Variants in STK33 observed in about 807,000 individuals in gnomAD.
STK33 encodes serine/threonine-protein kinase 33.
In STK33, 52 loss-of-function variants were observed where a neutral mutation model predicts 58.0. That is an observed-to-expected ratio of 0.90 (90% CI 0.72 to 1.13). STK33 has a LOEUF of 1.13. STK33 is among the 50% of genes most tolerant of loss of function. STK33 has a pLI of 0.00. For missense variants in STK33, 630 were observed against 604.2 expected, an observed-to-expected ratio of 1.04 and a Z score of -0.45; for synonymous variants, 215 against 200.1, an observed-to-expected ratio of 1.07 and a Z score of -0.63.
In STK33 at chr11:8,404,667, C is replaced by G. The variant is rs558274151; in HGVS notation, c.1344+8828G>C. On this transcript the variant is annotated intron_variant, in intron 15 of 15. Transcript: ENST00000687296. The stretch of plus-strand genomic sequence containing the variant: ...ATAGTAACTCATTTCTTTTTTCTTG[C>G]CAAGTAATGCTCCATTGTATGGATG... Among the ~76,000 whole-genome samples, 4 of 152,136 alleles carry G rather than the reference C, an allele frequency of 2.6e-5. No homozygotes were observed. The South Asian group carries it at 8.3e-4, about 32-fold the overall frequency.
chr11:8,414,482 G>A (rs112879525), intron 14 of STK33, among the ~76,000 whole-genome samples: 18 of 152,160 alleles, frequency 1.2e-4, no homozygotes, highest in African/African-American at 4.1e-4. Context: ...AAGTTCAGGT[G>A]TGGGCATGGC....
At chr11:8,526,514 T>C (rs1294681429) in intron 1 of STK33, among the ~76,000 whole-genome samples, 1 of 152,158 alleles carries the variant, frequency 6.6e-6, no homozygotes, top group Non-Finnish European at 1.5e-5. Flanking sequence ...TTAAGTATGT[T>C]CCCAACTTAA....
chr11:8,386,320 A>G, the STK33 span, among the ~76,000 whole-genome samples: 3 of 152,220 alleles, frequency 2.0e-5, no homozygotes, highest in African/African-American at 7.2e-5. Flanking sequence ...TTGATATGAA[A>G]CTTAAGTGGC....
rs1427640524 is a variant in STK33, at chr11:8,536,760, TG to T, written c.-465-56147del. ...AATGTCCCTTTTTCTTTTCTTTTTT[TG>T]TTGTTGTTTATTTGTTGTTTGTTTG... On this transcript the variant is annotated intron_variant, in intron 1 of 15. Coordinates refer to ENST00000687296, the MANE Select transcript of STK33 (RefSeq NM_001352389.2). 1.4e-4 allele frequency among the ~76,000 whole-genome samples: 22 copies of T among 151,892 alleles called. No individual in the cohort carries two copies. The East Asian group carries it at 4.1e-3, about 28-fold the overall frequency.
At chr11:8,584,794 G>C (rs1350668795) in intron 1 of STK33, among the ~76,000 whole-genome samples, 1 of 152,176 alleles carries the variant, frequency 6.6e-6, no homozygotes, top group African/African-American at 2.4e-5. Context: ...TCCATGAAGT[G>C]AAAGGTCATA....
At chr11:8,370,842 G>A in the STK33 span, among the ~76,000 whole-genome samples, 1 of 152,126 alleles carries the variant, frequency 6.6e-6, no homozygotes. Context: ...TTTGGTTCCT[G>A]GGCTCCATGT....
At chr11:8,400,359 T>A (rs559878796) in intron 15 of STK33, among the ~76,000 whole-genome samples, 1 of 151,330 alleles carries the variant, frequency 6.6e-6, no homozygotes, top group African/African-American at 2.4e-5. Flanking sequence ...ACAGAACCAA[T>A]GACAAAAACC....
chr11:8,554,726 A>G (rs2140747611), intron 1 of STK33, among the ~76,000 whole-genome samples: 1 of 152,228 alleles, frequency 6.6e-6, no homozygotes, highest in South Asian at 2.1e-4. Context: ...AAACATCACT[A>G]CTATATGATT....
chr11:8,558,947 C>T (rs1448707384), intron 1 of STK33, among the ~76,000 whole-genome samples: 2 of 152,146 alleles, frequency 1.3e-5, no homozygotes, highest in East Asian at 3.8e-4. Flanking sequence ...TTTCCCATTC[C>T]TCAAAATGTC....
chr11:8,585,552 G>GA (rs1226061435), intron 1 of STK33, among the ~76,000 whole-genome samples: 1 of 151,860 alleles, frequency 6.6e-6, no homozygotes, highest in African/African-American at 2.4e-5. Flanking sequence ...GCTAGCGTTA[G>GA]AAGAAGAGCA....
chr11:8,545,691 T>C (rs1163231092), intron 1 of STK33, among the ~76,000 whole-genome samples: 1 of 152,042 alleles, frequency 6.6e-6, no homozygotes, highest in Non-Finnish European at 1.5e-5. Context: ...TCAAGAAACA[T>C]AAAGGTCTAG....
At chr11:8,528,575 T>C (rs1032617194) in intron 1 of STK33, among the ~76,000 whole-genome samples, 8 of 152,232 alleles carry the variant, frequency 5.3e-5, no homozygotes, top group Middle Eastern at 3.2e-3. Context: ...CAATGATATC[T>C]ATCAGTAATC....
At chr11:8,460,474 C>T (rs1355473089) in intron 8 of STK33, among the ~76,000 whole-genome samples, 4 of 151,772 alleles carry the variant, frequency 2.6e-5, no homozygotes, top group Non-Finnish European at 5.9e-5. Flanking sequence ...AATTTGAAGA[C>T]AACAACAGAA....
chr11:8,488,423 T>G (rs189199052), intron 1 of STK33, among the ~76,000 whole-genome samples: 1 of 151,300 alleles, frequency 6.6e-6, no homozygotes, highest in African/African-American at 2.4e-5. Context: ...CTTGAGAAGC[T>G]CCTAAACTCT....
chr11:8,486,904 G>A (rs1402619710), intron 1 of STK33, among the ~76,000 whole-genome samples: 1 of 152,198 alleles, frequency 6.6e-6, no homozygotes, highest in Non-Finnish European at 1.5e-5. Context: ...ATGACCTGAT[G>A]AGGGAAAGAG....
At chr11:8,378,220 G>T in the STK33 span, among the ~76,000 whole-genome samples, 9 of 152,108 alleles carry the variant, frequency 5.9e-5, no homozygotes, top group Non-Finnish European at 1.3e-4. Context: ...GAGCGAAGTG[G>T]GGGGAAGCCC....
At chr11:8,462,006 T>C (rs982733314) in intron 7 of STK33, 97 bp from the exon 8 acceptor site, 42 of 839,402 alleles carry the variant, frequency 5.0e-5, no homozygotes, top group Non-Finnish European at 6.6e-5. Context: ...TTTTTTCCTG[T>C]AACTTCATAT....
the STK33 span, among the ~76,000 whole-genome samples, chr11:8,344,860 G>A: frequency 6.6e-6 from 1 of 152,144 alleles, no homozygotes; most frequent in East Asian, 1.9e-4. Context: ...CATCCTGTGC[G>A]GTGCAGACCC....
At chr11:8,475,654 T>G (rs2137946513) in intron 4 of STK33, 1 of 152,326 alleles carries the variant, frequency 6.6e-6, no homozygotes, top group African/African-American at 2.4e-5. Context: ...GAGTGGGTGC[T>G]ATTTTTCCCT....
Sources: allele counts gnomAD v4.1 joint callset (sites outside exome capture counted in the v4.1 genomes callset), GRCh38; gene constraint gnomAD v4.1.1; transcripts MANE v1.5; gene names NCBI Gene and HGNC (gene_info 2026-07-23, HGNC 2026-07-21).